Variants in GPATCH1 observed in about 807,000 individuals in gnomAD.
GPATCH1 encodes the protein G-patch domain containing 1, also known as G patch domain-containing protein 1.
GPATCH1 carries 73 observed loss-of-function variants against 114.9 expected under a neutral mutation model. The observed-to-expected ratio is 0.64, with a 90% CI of 0.53 to 0.77. The LOEUF (loss-of-function observed/expected upper bound fraction) is 0.77. Among genes scored for constraint, GPATCH1 ranks in the 30% least tolerant of loss-of-function variants. GPATCH1 has a pLI of 0.00. For synonymous variants in GPATCH1, 391 were observed against 428.4 expected (o/e 0.91, Z 1.08); for missense variants, 1,058 against 1,144.3 (o/e 0.92, Z 1.09).
At chr19:33,114,180 T>C in intron 14 of GPATCH1, 73 bp from the exon 15 acceptor site, 1 of 1,328,858 alleles carries the variant, frequency 7.5e-7, no homozygotes, top group Non-Finnish European at 1.1e-6. Context: ...TCTGAGTGAA[T>C]GAAAGAGCAG....
intron 17 of GPATCH1, among the ~76,000 whole-genome samples, chr19:33,121,821 A>G (rs1483711836): frequency 6.6e-6 from 1 of 152,130 alleles, no homozygotes; most frequent in African/African-American, 2.4e-5. Flanking sequence ...AACATCTATA[A>G]CATGGCCCAG....
chr19:33,086,999 G>A (rs1247271200), intron 1 of GPATCH1, among the ~76,000 whole-genome samples: 1 of 151,898 alleles, frequency 6.6e-6, no homozygotes, highest in Non-Finnish European at 1.5e-5. Flanking sequence ...AGTATTTCTT[G>A]TGTCTCCCTC....
chr19:33,113,401 C>T (rs2145330229), intron 13 of GPATCH1: 1 of 178,280 alleles, frequency 5.6e-6, no homozygotes, highest in East Asian at 1.7e-4. Context: ...AAGATTGTGC[C>T]ATTGCACTCT....
At chr19:33,121,274 C>T (rs181186705) in intron 17 of GPATCH1, among the ~76,000 whole-genome samples, 16 of 150,094 alleles carry the variant, frequency 1.1e-4, no homozygotes, top group Admixed American at 2.6e-4. Flanking sequence ...AACCACTGCA[C>T]GCAGCCAAGC....
chr19:33,090,968 T>C (rs908551820), intron 3 of GPATCH1, 103 bp downstream of exon 3: 1 of 706,130 alleles, frequency 1.4e-6, no homozygotes, highest in Non-Finnish European at 2.6e-6. Context: ...TACGATTTCC[T>C]CTTTGTTTGT....
chr19:33,122,487 C>G (rs8104270), intron 17 of GPATCH1, among the ~76,000 whole-genome samples: 77,563 of 151,762 alleles, frequency 0.51, 22,375 homozygotes, highest in African/African-American at 0.75. Flanking sequence ...ACCACGCCTG[C>G]CTAATTTTTT....
In GPATCH1 at chr19:33,126,767, C is replaced by A. The variant is rs779572641; in HGVS notation, c.2765+34C>A. On this transcript the variant is annotated intron_variant, in intron 19 of 19. Transcript: ENST00000170564. ...TGGGAGATGGAGGGTTTTTCAGAAA[C>A]CTTTAGAGGCTTATTGAGTGCTTGA... 10 of 1,528,060 alleles carry A rather than the reference C, an allele frequency of 6.5e-6. No homozygotes were observed. The East Asian group carries it at 1.3e-4, about 21-fold the overall frequency. 94.7% of individuals were successfully genotyped at this position (1,528,060 alleles called of 1,614,324 possible).
chr19:33,106,978 C>T (rs2145322639), intron 10 of GPATCH1, 79 bp downstream of exon 10: 6 of 1,180,700 alleles, frequency 5.1e-6, no homozygotes, highest in African/African-American at 1.5e-5. Context: ...GTTGTTTTCC[C>T]ACTGAAGTTT....
At position 33,113,749 on chromosome 19, in the gene GPATCH1, T is replaced by C; in HGVS notation, c.1893-18T>C. On this transcript the variant is annotated intron_variant, in intron 13 of 19. Transcript: ENST00000170564. ...TCCTACTGGTTGTTACTAAAATGAT[T>C]CTTTTTTCAATTCCCAGTTCAACTT... 6.2e-7 allele frequency: 1 copy of C among 1,611,210 alleles called. No individual in the cohort carries two copies. Among genetic ancestry groups the C allele is most frequent in the Non-Finnish European group, 8.5e-7 (1 of 1,177,912 alleles).
intron 11 of GPATCH1, 151 bp from the exon 12 acceptor site, chr19:33,111,573 C>A (rs1972854282): frequency 2.7e-6 from 2 of 752,348 alleles, no homozygotes; most frequent in African/African-American, 1.8e-5. Context: ...GCAATATTAC[C>A]TGCCAAATAC....
Position 33,130,247 on chromosome 19 carries a change from G to A in GPATCH1, c.*87G>A, listed in dbSNP as rs1158072723. The A allele has an allele frequency of 5.1e-6, 4 of 786,472 alleles. No homozygotes were observed. Among genetic ancestry groups the A allele is most frequent in the Non-Finnish European group, 8.3e-6 (4 of 483,164 alleles). 48.7% of individuals were successfully genotyped at this position (786,472 alleles called of 1,614,324 possible). ...GTTCAGTTAACGCATTGTACAGAGTGTATTTATATGTAAATTCCTGCTGTA... is the reference window on the plus strand; with the variant it reads ...GTTCAGTTAACGCATTGTACAGAGTATATTTATATGTAAATTCCTGCTGTA... On this transcript the variant is annotated 3_prime_UTR_variant, in exon 20 of 20. Transcript: ENST00000170564.
chr19:33,082,785 C>G (rs1972492285), intron 1 of GPATCH1, among the ~76,000 whole-genome samples: 1 of 152,280 alleles, frequency 6.6e-6, no homozygotes, highest in African/African-American at 2.4e-5. Context: ...CATCTCTGTT[C>G]TACACTCACT....
chr19:33,110,666 G>A (rs980058143), intron 11 of GPATCH1, among the ~76,000 whole-genome samples: 1 of 149,142 alleles, frequency 6.7e-6, no homozygotes, highest in Non-Finnish European at 1.5e-5. Flanking sequence ...AAAAAAAAAC[G>A]GTTAGTGAAA....
Position 33,126,677 on chromosome 19 carries a change from C to T in GPATCH1, c.2709C>T (p.Ser903=), listed in dbSNP as rs6510356. 0.14 allele frequency: 229,062 copies of T among 1,613,384 alleles called. 22,824 individuals carry two copies. Among genetic ancestry groups the T allele is most frequent in the African/African-American group, 0.42 (31,368 of 74,858 alleles). Residue 903 remains serine (S), a synonymous_variant, in exon 19 of 20, where the codon AGC becomes AGT. Coordinates refer to ENST00000170564, the MANE Select transcript of GPATCH1 (RefSeq NM_018025.3). ...KSSSSESSDS[S]DSQSDEETAD... is the part of the protein sequence containing the mutation. ...GTAGCTCCGAGAGTTCCGACAGCAG[C>T]GACAGCCAGAGTGACGAGGAAACCG...
chr19:33,092,206 A>T (rs1292631344), intron 3 of GPATCH1, among the ~76,000 whole-genome samples: 1 of 151,890 alleles, frequency 6.6e-6, no homozygotes, highest in African/African-American at 2.4e-5. Flanking sequence ...GTGCACCACC[A>T]TGCCTGGCTA....
chr19:33,099,060 A>G (rs1599855897), intron 8 of GPATCH1, among the ~76,000 whole-genome samples: 1 of 148,512 alleles, frequency 6.7e-6, no homozygotes, highest in South Asian at 2.1e-4. Context: ...ATCATAATAT[A>G]CTATTTAATT....
intron 17 of GPATCH1, among the ~76,000 whole-genome samples, chr19:33,124,216 A>G (rs1981818): frequency 0.52 from 79,099 of 152,032 alleles, 23,509 homozygotes; most frequent in African/African-American, 0.78. Flanking sequence ...CTATTGTGAA[A>G]TTTTGTTGAT....
At chr19:33,109,660 G>A (rs939714721) in intron 10 of GPATCH1, 57 bp from the exon 11 acceptor site, 89 of 1,119,940 alleles carry the variant, frequency 7.9e-5, no homozygotes, top group South Asian at 2.5e-4. Context: ...ACAGAGAAAC[G>A]TAAATGTGGT....
intron 19 of GPATCH1, among the ~76,000 whole-genome samples, 179 bp from the exon 20 acceptor site, chr19:33,129,951 A>AG (rs1456250885): frequency 6.8e-6 from 1 of 147,916 alleles, no homozygotes; most frequent in African/African-American, 2.5e-5. Flanking sequence ...TCTCGGGGGA[A>AG]AAAAAAAAAA....
Sources: allele counts gnomAD v4.1 joint callset (sites outside exome capture counted in the v4.1 genomes callset), GRCh38; gene constraint gnomAD v4.1.1; transcripts MANE v1.5; gene names NCBI Gene and HGNC (gene_info 2026-07-23, HGNC 2026-07-21).